The following ITFG1 variants were observed in gnomAD, a reference collection of about 807,000 sequenced individuals.
ITFG1 encodes the protein T-cell immunomodulatory protein.
A neutral mutation model predicts 81.8 loss-of-function variants in ITFG1; 34 were observed. That is an observed-to-expected ratio of 0.42 (90% confidence interval 0.32 to 0.55). The LOEUF is 0.55. ITFG1 is among the 20% of genes least tolerant of loss of function. The pLI, the probability that ITFG1 is intolerant of heterozygous loss-of-function variation, is 0.17. For synonymous variants in ITFG1, 285 were observed against 270.6 expected (o/e 1.05, Z -0.52); for missense variants, 672 against 755.4 (o/e 0.89, Z 1.29).
intron 10 of ITFG1, chr16:47,299,701 C>A (rs566599193): frequency 1.1e-4 from 17 of 152,394 alleles, no homozygotes; most frequent in African/African-American, 4.1e-4. Flanking sequence ...TGCTCTCAAC[C>A]TAGCGGGATA....
rs1416420744 is a variant in ITFG1, at chr16:47,181,150, C to T, written c.1454-18486G>A. 7.3e-5 allele frequency among the ~76,000 whole-genome samples: 11 copies of T among 150,766 alleles called. No homozygotes were observed. In the South Asian group the frequency reaches 8.4e-4, roughly 12 times the overall value. On this transcript the variant is annotated intron_variant, in intron 14 of 17. Transcript: ENST00000320640. ...GATGTGGGGAGCGCCGCTGCCCCAC[C>T]GCCCCATCTGGGATGTGAGGAGCGC... is the stretch of plus-strand genomic sequence containing the variant.
chr16:47,170,388 T>G lies in ITFG1; in HGVS notation c.1454-7724A>C, dbSNP rs141565771. ...TTACAGGTAGGTTGACATTGTCTAT[T>G]TCCTCTTGGGTCAGTTTTGTATTGT... On this transcript the variant is annotated intron_variant, in intron 14 of 17. Transcript: ENST00000320640. 1.9e-3 allele frequency among the ~76,000 whole-genome samples: 283 copies of G among 152,278 alleles called. 5 individuals carry two copies. In the South Asian group the frequency reaches 0.027, roughly 14 times the overall value.
chr16:47,224,911 A>G (rs1298416188), intron 13 of ITFG1, among the ~76,000 whole-genome samples: 2 of 152,106 alleles, frequency 1.3e-5, no homozygotes, highest in African/African-American at 4.8e-5. Flanking sequence ...AGGTGGGAGG[A>G]TTGCCTCAGC....
intron 3 of ITFG1, among the ~76,000 whole-genome samples, chr16:47,453,646 A>T (rs1969416139): frequency 6.6e-6 from 1 of 152,236 alleles, no homozygotes; most frequent in African/African-American, 2.4e-5. Flanking sequence ...TCATTCTGGC[A>T]GCAGTTGTGT....
chr16:47,423,066 T>C (rs902086986), intron 6 of ITFG1, among the ~76,000 whole-genome samples: 2 of 152,218 alleles, frequency 1.3e-5, no homozygotes, highest in African/African-American at 4.8e-5. Flanking sequence ...TCTAAGTCTC[T>C]TTGTAGGTCA....
rs1295030865 is a variant in ITFG1 at position 47,193,100 on chromosome 16, T to C, written c.1453+25768A>G. The stretch of plus-strand genomic sequence containing the variant: ...TGTTGATTTTCAGTTTGTTCTTTTT[T>C]TTTGGTGAGGATAAGAGTACAACTT... On this transcript the variant is annotated intron_variant, in intron 14 of 17. Coordinates refer to ENST00000320640, the MANE Select transcript of ITFG1 (RefSeq NM_030790.5). Among the ~76,000 whole-genome samples the C allele has an allele frequency of 1.1e-4, 16 of 152,256 alleles. No individual in the cohort carries two copies. In the South Asian group the frequency reaches 3.3e-3, roughly 32 times the overall value.
intron 6 of ITFG1, among the ~76,000 whole-genome samples, chr16:47,405,907 TAAGC>T (rs1968722383): frequency 6.6e-6 from 1 of 152,186 alleles, no homozygotes; most frequent in East Asian, 1.9e-4. Context: ...AATTATGAAA[TAAGC>T]AAGATGTAAT....
rs145662413 is a variant in ITFG1, at chr16:47,392,268, G to A, written c.656-16328C>T. ...TGTCTCTACAAAAAACCCTCAAAAC[G>A]ACGAACGCCCACAAAAACCACAAAA... On this transcript the variant is annotated intron_variant, in intron 6 of 17. Transcript: ENST00000320640. 4.5e-3 allele frequency among the ~76,000 whole-genome samples: 683 copies of A among 152,194 alleles called. 4 individuals carry two copies. Among genetic ancestry groups the A allele is most frequent in the East Asian group, 0.023 (119 of 5,170 alleles).
chr16:47,163,110 A>G (rs757921089), intron 14 of ITFG1, among the ~76,000 whole-genome samples: 1 of 152,194 alleles, frequency 6.6e-6, no homozygotes, highest in African/African-American at 2.4e-5. Context: ...CCAATGATTC[A>G]CTTTTTAAAG....
Position 47,461,028 on chromosome 16 carries a change from C to A in ITFG1, c.18G>T (p.Arg6=), listed in dbSNP as rs1034429268. MAAAG[R]LPSSWALFSP... is the part of the protein sequence containing the mutation. ...AGAAGAGGGCCCAGGAGCTCGGGAG[C>A]CGGCCCGCCGCCGCCATGGCAGCCC... Residue 6 remains arginine (R), a synonymous_variant, in exon 1 of 18, where the codon CGG becomes CGT. Transcript: ENST00000320640. 7 of 1,541,904 alleles carry A rather than the reference C, an allele frequency of 4.5e-6. No homozygotes were observed. Among genetic ancestry groups the A allele is most frequent in the Non-Finnish European group, 6.1e-6 (7 of 1,145,940 alleles).
intron 5 of ITFG1, among the ~76,000 whole-genome samples, chr16:47,429,595 C>T (rs1969067670): frequency 6.6e-6 from 1 of 152,154 alleles, no homozygotes; most frequent in Non-Finnish European, 1.5e-5. Flanking sequence ...TTATTCTTGT[C>T]CATTTATTTT....
intron 9 of ITFG1, chr16:47,312,380 T>A (rs1041348136): frequency 6.6e-6 from 1 of 152,178 alleles, no homozygotes; most frequent in Non-Finnish European, 1.5e-5. Flanking sequence ...TCAAATTATA[T>A]TAAAGATGGT....
intron 6 of ITFG1, among the ~76,000 whole-genome samples, chr16:47,427,130 T>A (rs942698547): frequency 1.3e-5 from 2 of 152,172 alleles, no homozygotes; most frequent in African/African-American, 4.8e-5. Context: ...ATTTAGTGTG[T>A]CACAATTTTG....
chr16:47,290,050 G>C (rs1966888950), intron 10 of ITFG1, among the ~76,000 whole-genome samples: 1 of 152,096 alleles, frequency 6.6e-6, no homozygotes, highest in Non-Finnish European at 1.5e-5. Context: ...ACCCATTTAA[G>C]ATACCTTCTT....
intron 5 of ITFG1, among the ~76,000 whole-genome samples, chr16:47,442,169 T>G (rs376901898): frequency 1.3e-5 from 2 of 152,090 alleles, no homozygotes; most frequent in Non-Finnish European, 2.9e-5. Flanking sequence ...CACTGCTCAA[T>G]GAAATAAAAG....
intron 12 of ITFG1, among the ~76,000 whole-genome samples, chr16:47,251,058 A>G (rs958211002): frequency 9.2e-5 from 14 of 152,242 alleles, no homozygotes; most frequent in Non-Finnish European, 1.8e-4. Context: ...TGCCCAAAAC[A>G]CAAACTTTTT....
intron 17 of ITFG1, among the ~76,000 whole-genome samples, chr16:47,158,187 T>G (rs1964744949): frequency 6.6e-6 from 1 of 152,182 alleles, no homozygotes; most frequent in Non-Finnish European, 1.5e-5. Flanking sequence ...CTCAACTTTC[T>G]GGGCTCAGGT....
Position 47,437,347 on chromosome 16 carries a change from A to C in ITFG1, c.561-8449T>G, listed in dbSNP as rs1317118752. On this transcript the variant is annotated intron_variant, in intron 5 of 17. Transcript: ENST00000320640. ...GTCAGGCATGGTGGCATGCATCCAT[A>C]GTCCCGGCTACTCAGGAGGCTGAGG... Among the ~76,000 whole-genome samples, 3 of 152,188 alleles carry C rather than the reference A, an allele frequency of 2.0e-5. No homozygotes were observed. In the East Asian group the frequency reaches 5.8e-4, roughly 30 times the overall value.
rs551352216 is a variant in ITFG1, at chr16:47,349,977, C to T, written c.802+15811G>A. ...GAATGACTACTAGGTAGGTAAATAA[C>T]GAAATGAAGGCAGAAATAAAGATGT... On this transcript the variant is annotated intron_variant, in intron 8 of 17. Coordinates refer to ENST00000320640, the MANE Select transcript of ITFG1 (RefSeq NM_030790.5). Among the ~76,000 whole-genome samples the T allele has an allele frequency of 1.1e-4, 17 of 152,140 alleles. No homozygotes were observed. The South Asian group carries it at 2.9e-3, about 26-fold the overall frequency.
Sources: allele counts gnomAD v4.1 joint callset (sites outside exome capture counted in the v4.1 genomes callset), GRCh38; gene constraint gnomAD v4.1.1; transcripts MANE v1.5; gene names NCBI Gene and HGNC (gene_info 2026-07-23, HGNC 2026-07-21).